SARS2: variants seen among roughly 807,000 people sequenced by gnomAD.
The protein encoded by SARS2 is seryl-tRNA synthetase 2, mitochondrial, also known as serine--tRNA ligase, mitochondrial.
A neutral mutation model predicts 66.8 loss-of-function variants in SARS2; 52 were observed. That is an observed-to-expected ratio of 0.78 (90% CI 0.62 to 0.98). SARS2 has a LOEUF of 0.98. SARS2 is among the 50% of genes least tolerant of loss of function. SARS2 has a pLI of 0.00. For synonymous variants in SARS2, 306 were observed against 281.4 expected (o/e 1.09, Z -0.87); for missense variants, 673 against 706.3 (o/e 0.95, Z 0.53).
At chr19:38,919,985 T>C (rs2144767451) in intron 6 of SARS2, 101 bp downstream of exon 6, 2 of 1,377,354 alleles carry the variant, frequency 1.5e-6, no homozygotes, top group East Asian at 4.9e-5. Context: ...CAAAGATTCA[T>C]GGCATTTCCA....
At position 38,915,648 on chromosome 19, in the gene SARS2, C is replaced by T; in HGVS notation, c.1515G>A (p.Gln505=). 1 of 1,613,170 alleles carries T rather than the reference C, an allele frequency of 6.2e-7. No individual in the cohort carries two copies. The highest frequency in any genetic ancestry group is 1.1e-5 in the South Asian group (1 of 90,994). Residue 505 remains glutamine (Q), a synonymous_variant, in exon 16 of 16, where the codon CAG becomes CAA. Transcript: ENST00000221431. ...HVPLQYIGPN[Q]PRKPGLPGQP... ...GGCCAGGCAGCCCAGGCTTCCGGGG[C>T]TGGTTGGGGCCGATGTACTGGAGAG...
intron 5 of SARS2, among the ~76,000 whole-genome samples, chr19:38,920,968 C>G (rs1206021102): frequency 7.0e-6 from 1 of 143,466 alleles, no homozygotes; most frequent in African/African-American, 2.6e-5. Flanking sequence ...GACACAGATA[C>G]AGACACACAC....
At chr19:38,916,384 C>A in intron 12 of SARS2, 70 bp from the exon 13 acceptor site, 1 of 1,393,538 alleles carries the variant, frequency 7.2e-7, no homozygotes, top group Non-Finnish European at 1.0e-6. Flanking sequence ...CAAATGGAAA[C>A]GATGGAAGAG....
Position 38,919,695 on chromosome 19 carries a change from C to T in SARS2, c.759+67G>A, listed in dbSNP as rs374839842. Reference sequence around the variant, plus strand: ...GCAGAGCAGAGATCACTCCCATCCCCGTTGGGCCCTCTGAGCTCAGCTTCG... The same window carrying T: ...GCAGAGCAGAGATCACTCCCATCCCTGTTGGGCCCTCTGAGCTCAGCTTCG... On this transcript the variant is annotated intron_variant, in intron 7 of 15. Coordinates refer to ENST00000221431, the MANE Select transcript of SARS2 (RefSeq NM_017827.4). 9 of 1,210,730 alleles carry T rather than the reference C, an allele frequency of 7.4e-6. No homozygotes were observed. In the East Asian group the frequency reaches 9.3e-5, roughly 13 times the overall value. 75.0% of individuals were successfully genotyped at this position (1,210,730 alleles called of 1,614,324 possible).
At chr19:38,921,090 C>G (rs200319882) in intron 5 of SARS2, among the ~76,000 whole-genome samples, 1 of 100,668 alleles carries the variant, frequency 9.9e-6, no homozygotes, top group African/African-American at 3.9e-5. Flanking sequence ...CAGATACAGA[C>G]ACACATGACA....
chr19:38,921,849 A>G (rs1170099414), intron 3 of SARS2, 182 bp from the exon 4 acceptor site: 3 of 1,326,178 alleles, frequency 2.3e-6, no homozygotes, highest in Non-Finnish European at 3.2e-6. Context: ...TGGGGAAAAG[A>G]ATCAGGCCTG....
At chr19:38,923,838 G>A (rs1440876662) in intron 2 of SARS2, among the ~76,000 whole-genome samples, 2 of 152,266 alleles carry the variant, frequency 1.3e-5, no homozygotes, top group East Asian at 3.9e-4. Context: ...GCTGGGCGCG[G>A]TGGCGGGCGC....
At chr19:38,930,095 G>A in intron 1 of SARS2, 1 of 244,290 alleles carries the variant, frequency 4.1e-6, no homozygotes, top group South Asian at 6.2e-5. Flanking sequence ...CCACACCCCA[G>A]CCCTGACCCC....
Position 38,921,405 on chromosome 19 carries a change from G to A in SARS2, c.576C>T (p.Val192=), listed in dbSNP as rs150249937. The stretch of plus-strand genomic sequence containing the variant: ...GGTGTGGCCCACCTGGCTTGTCTCC[G>A]ACCATGTGGAGCACTCGAGCCTGGC... ...DESQARVLHM[V]GDKPVFSFQP... is the part of the protein sequence containing the mutation. The change falls in exon 5 of 16, where the codon GTC becomes GTT. Residue 192 remains valine (V), a synonymous_variant. Transcript: ENST00000221431. 146 of 1,613,540 alleles carry A rather than the reference G, an allele frequency of 9.0e-5. No individual in the cohort carries two copies. The African/African-American group carries it at 1.7e-3, about 19-fold the overall frequency.
intron 9 of SARS2, 131 bp downstream of exon 9, chr19:38,918,291 C>T: frequency 8.7e-7 from 1 of 1,155,506 alleles, no homozygotes; most frequent in East Asian, 2.5e-5. Flanking sequence ...ACAACCTACA[C>T]AGCCGTACAT....
chr19:38,918,589 TAC>T, intron 8 of SARS2, 59 bp from the exon 9 acceptor site: 2 of 1,473,028 alleles, frequency 1.4e-6, no homozygotes, highest in Non-Finnish European at 1.9e-6. Context: ...CCTCTCGTTT[TAC>T]AGTCCCAACC....
chr19:38,918,306 G>T, intron 9 of SARS2, 116 bp downstream of exon 9: 1 of 1,173,754 alleles, frequency 8.5e-7, no homozygotes, highest in Non-Finnish European at 1.3e-6. Context: ...GTACATGTTG[G>T]CCCTGGGGCT....
chr19:38,920,984 C>CA (rs1568425612), intron 5 of SARS2, among the ~76,000 whole-genome samples: 1 of 148,346 alleles, frequency 6.7e-6, no homozygotes, highest in Non-Finnish European at 1.5e-5. Context: ...CACACAAACA[C>CA]AGACACACAC....
intron 1 of SARS2, chr19:38,930,268 A>T: frequency 3.1e-6 from 2 of 648,014 alleles, no homozygotes; most frequent in Non-Finnish European, 5.2e-6. Context: ...AGGACACAGT[A>T]GGCATTCTTG....
At position 38,930,679 on chromosome 19, in the gene SARS2, G is replaced by A. The variant is rs780545639; in HGVS notation, c.58C>T (p.Pro20Ser). 6.2e-7 allele frequency: 1 copy of A among 1,614,040 alleles called. No homozygotes were observed. The highest frequency in any genetic ancestry group is 2.2e-5 in the East Asian group (1 of 44,886). ...WPLLTRRGFR[P>S]RGGCISNDSP... is the part of the protein sequence containing the mutation. ...TCGTTGGAGATGCAGCCTCCCCGGG[G>A]CCGGAACCCCCGACGAGTCAGCAAA... The change falls in exon 1 of 16, where the codon CCC becomes TCC. Residue 20 changes from proline to serine, a missense_variant. Physicochemically the swap from Pro to Ser is moderately conservative, Grantham distance 74 (BLOSUM62 -1). Coordinates refer to ENST00000221431, the MANE Select transcript of SARS2 (RefSeq NM_017827.4).
chr19:38,926,643 A>G (rs1225186813), intron 1 of SARS2, among the ~76,000 whole-genome samples: 1 of 152,064 alleles, frequency 6.6e-6, no homozygotes, highest in Non-Finnish European at 1.5e-5. Context: ...AAAATCACCC[A>G]GGTGTGATGG....
chr19:38,922,203 C>T (rs933989071), intron 3 of SARS2, 35 bp downstream of exon 3: 1 of 1,613,092 alleles, frequency 6.2e-7, no homozygotes, highest in Non-Finnish European at 8.5e-7. Flanking sequence ...CTGCCCACCC[C>T]CAACCCTGGA....
In SARS2 at chr19:38,917,942, A is replaced by AT; in HGVS notation, c.1028dup (p.Tyr343Ter). ...CAGCCTTGGTGAAGTGGTGTACTCGATACAGCCCCCGGGGTTCCTGTCCCG... is the reference window on the plus strand; with the variant it reads ...CAGCCTTGGTGAAGTGGTGTACTCGATTACAGCCCCCGGGGTTCCTGTCCCG... ...TNTGQEPRGL[Y>*]RVHHFTKVEM... Residue 343 changes from tyrosine to a stop codon, truncating the protein, a stop_gained and frameshift_variant, in exon 11 of 16, where the codon TAT becomes TAAT. Coordinates refer to ENST00000221431, the MANE Select transcript of SARS2 (RefSeq NM_017827.4). LOFTEE classifies it high-confidence loss of function. 1 of 1,610,822 alleles carries AT rather than the reference A, an allele frequency of 6.2e-7. No individual in the cohort carries two copies. Among genetic ancestry groups the AT allele is most frequent in the Non-Finnish European group, 8.5e-7 (1 of 1,178,454 alleles).
intron 5 of SARS2, among the ~76,000 whole-genome samples, chr19:38,921,018 TAC>T (rs1555743859): frequency 2.2e-4 from 6 of 27,488 alleles, no homozygotes; most frequent in Non-Finnish European, 2.9e-4. Context: ...CACACACAGA[TAC>T]ACAGATACAG....
Sources: allele counts gnomAD v4.1 joint callset (sites outside exome capture counted in the v4.1 genomes callset), GRCh38; gene constraint gnomAD v4.1.1; transcripts MANE v1.5; gene names NCBI Gene and HGNC (gene_info 2026-07-23, HGNC 2026-07-21).